Variants in EPHB1 observed in about 807,000 individuals in gnomAD.
The protein encoded by EPHB1 is ephrin type-B receptor 1.
A neutral mutation model predicts 94.4 loss-of-function variants in EPHB1; 30 were observed. The ratio of observed to expected loss-of-function variants is 0.32; its 90% CI spans 0.24 to 0.43. The LOEUF (loss-of-function observed/expected upper bound fraction) is 0.43, where lower values mean the gene tolerates loss of function less well. EPHB1 is among the 20% of genes least tolerant of loss of function. EPHB1 has a pLI of 1.00. For missense variants in EPHB1, 1,055 were observed against 1,308.3 expected (o/e 0.81, Z 2.99); for synonymous variants, 522 against 489.1 (o/e 1.07, Z -0.89).
At chr3:135,082,253 T>C (rs1240747213) in intron 3 of EPHB1, among the ~76,000 whole-genome samples, 2 of 152,154 alleles carry the variant, frequency 1.3e-5, no homozygotes, top group Admixed American at 6.5e-5. Context: ...CAACAAGTAC[T>C]TGAAATAGCC....
At chr3:135,116,557 G>A (rs550270500) in intron 4 of EPHB1, among the ~76,000 whole-genome samples, 54 of 152,254 alleles carry the variant, frequency 3.5e-4, no homozygotes, top group Admixed American at 1.6e-3. Flanking sequence ...CCAGTGCCTC[G>A]TGGTGGTCAC....
At chr3:134,922,006 T>C (rs2038696526) in intron 1 of EPHB1, among the ~76,000 whole-genome samples, 1 of 152,208 alleles carries the variant, frequency 6.6e-6, no homozygotes, top group Admixed American at 6.5e-5. Flanking sequence ...ACCATGCGTG[T>C]GCCCTTCCCG....
chr3:135,254,527 C>T (rs1232427583), intron 15 of EPHB1, among the ~76,000 whole-genome samples: 21 of 150,558 alleles, frequency 1.4e-4, no homozygotes, highest in African/African-American at 4.2e-4. Context: ...TATTGATTTG[C>T]GTATATTGAA....
At chr3:135,144,497 A>C (rs1216602975) in intron 5 of EPHB1, among the ~76,000 whole-genome samples, 2 of 152,160 alleles carry the variant, frequency 1.3e-5, no homozygotes. Flanking sequence ...ATATGGGACT[A>C]CATTTTGAGA....
At chr3:135,062,767 A>G (rs1174612440) in intron 3 of EPHB1, among the ~76,000 whole-genome samples, 5 of 152,186 alleles carry the variant, frequency 3.3e-5, no homozygotes, top group Admixed American at 3.3e-4. Flanking sequence ...GCCTAAGCCA[A>G]TGTCTAGAAG....
intron 12 of EPHB1, among the ~76,000 whole-genome samples, chr3:135,216,090 C>T (rs139997183): frequency 0.014 from 2,099 of 152,322 alleles, 19 homozygotes; most frequent in Middle Eastern, 0.027. Flanking sequence ...CACTTGGGCT[C>T]CAGCATCTTT....
rs544925068 is a variant in EPHB1, at chr3:135,068,647, A to ATT, written c.806-37789_806-37788dup. On this transcript the variant is annotated intron_variant, in intron 3 of 15. Transcript: ENST00000398015. ...GGTTTTTGAGGCACAGAAGTTTTTA[A>ATT]TTTTTTTTTTTTTGTTTTTGAGACT... Among the ~76,000 whole-genome samples the ATT allele has an allele frequency of 3.0e-4, 42 of 141,506 alleles. No individual in the cohort carries two copies. The East Asian group carries it at 3.8e-3, about 13-fold the overall frequency. The allele number at this position is 141,506 out of a possible 152,430, so 92.8% of individuals were successfully genotyped here.
intron 2 of EPHB1, among the ~76,000 whole-genome samples, chr3:134,948,855 C>A (rs1333472971): frequency 6.6e-6 from 1 of 152,182 alleles, no homozygotes. Context: ...GGAGGATGGA[C>A]TAATATGCTA....
chr3:134,947,734 C>G (rs1483643901), intron 2 of EPHB1, among the ~76,000 whole-genome samples: 1 of 152,154 alleles, frequency 6.6e-6, no homozygotes, highest in Non-Finnish European at 1.5e-5. Flanking sequence ...GTGTCATTTT[C>G]TAAGATAAAT....
chr3:135,069,126 TA>T lies in EPHB1; in HGVS notation c.806-37321del, dbSNP rs1449150523. Among the ~76,000 whole-genome samples the T allele has an allele frequency of 4.0e-5, 6 of 151,532 alleles. No homozygotes were observed. The East Asian group carries it at 1.2e-3, about 30-fold the overall frequency. On this transcript the variant is annotated intron_variant, in intron 3 of 15. Coordinates refer to ENST00000398015, the MANE Select transcript of EPHB1 (RefSeq NM_004441.5). Reference sequence around the variant, plus strand: ...TGGTGTCATATCTAAGAAGCCGCATTACCTGATCCAAGGTCACAAATATTTA... The same window carrying T: ...TGGTGTCATATCTAAGAAGCCGCATTCCTGATCCAAGGTCACAAATATTTA...
At chr3:135,207,234 T>C (rs1942921437) in intron 12 of EPHB1, among the ~76,000 whole-genome samples, 2 of 152,222 alleles carry the variant, frequency 1.3e-5, no homozygotes, top group African/African-American at 4.8e-5. Flanking sequence ...CTTATATGTT[T>C]CTAGGCCTAA....
intron 12 of EPHB1, among the ~76,000 whole-genome samples, chr3:135,228,228 T>C (rs985377502): frequency 6.6e-6 from 1 of 152,166 alleles, no homozygotes. Flanking sequence ...CACAATACTT[T>C]TTAAATTTTT....
chr3:134,978,691 T>C (rs1934290216), intron 3 of EPHB1, among the ~76,000 whole-genome samples: 1 of 152,242 alleles, frequency 6.6e-6, no homozygotes, highest in African/African-American at 2.4e-5. Context: ...CTTTTTAGCA[T>C]CTGACTCCAG....
At chr3:135,035,994 A>C (rs776812438) in intron 3 of EPHB1, among the ~76,000 whole-genome samples, 1 of 152,204 alleles carries the variant, frequency 6.6e-6, no homozygotes, top group South Asian at 2.1e-4. Context: ...GCTAACATTC[A>C]TTTATCTATC....
At chr3:135,144,216 A>G (rs975624028) in intron 5 of EPHB1, among the ~76,000 whole-genome samples, 2 of 152,164 alleles carry the variant, frequency 1.3e-5, no homozygotes, top group African/African-American at 4.8e-5. Flanking sequence ...GGACTTGGGG[A>G]AGTCATTTTC....
chr3:135,215,273 C>T (rs529095644), intron 12 of EPHB1, among the ~76,000 whole-genome samples: 1 of 152,082 alleles, frequency 6.6e-6, no homozygotes, highest in African/African-American at 2.4e-5. Context: ...AAGTGATTCT[C>T]CTGCCTCAGC....
chr3:135,259,768 GT>G lies in EPHB1; in HGVS notation c.*651del. ...CAATTGAAAACCTCGTTTTTCTTTTGTTTGCATTTTCTGCAAAAAGGAAAAA... is the reference window on the plus strand; with the variant it reads ...CAATTGAAAACCTCGTTTTTCTTTTGTTGCATTTTCTGCAAAAAGGAAAAA... On this transcript the variant is annotated 3_prime_UTR_variant, in exon 16 of 16. Transcript: ENST00000398015. 4.7e-6 allele frequency: 1 copy of G among 213,708 alleles called. No individual in the cohort carries two copies. The highest frequency in any genetic ancestry group is 9.5e-6 in the Non-Finnish European group (1 of 105,486). The allele number at this position is 213,708 out of a possible 1,614,324, so 13.2% of individuals were successfully genotyped here. A position where few individuals can be genotyped will look rare whatever the true frequency, so the allele number is the denominator to read the frequency against.
chr3:135,195,055 A>G (rs1460944963), intron 11 of EPHB1, among the ~76,000 whole-genome samples: 2 of 152,190 alleles, frequency 1.3e-5, no homozygotes, highest in Non-Finnish European at 2.9e-5. Context: ...ACAAAGTTGA[A>G]TGAAGTTGAG....
At chr3:135,127,814 T>A (rs1326069087) in intron 4 of EPHB1, among the ~76,000 whole-genome samples, 1 of 152,042 alleles carries the variant, frequency 6.6e-6, no homozygotes, top group Non-Finnish European at 1.5e-5. Context: ...GCCCTGTGGG[T>A]CTAGAAGGAT....
Sources: allele counts gnomAD v4.1 joint callset (sites outside exome capture counted in the v4.1 genomes callset), GRCh38; gene constraint gnomAD v4.1.1; transcripts MANE v1.5; gene names NCBI Gene and HGNC (gene_info 2026-07-23, HGNC 2026-07-21).